Variants in ZNF92 observed in about 807,000 individuals in gnomAD.
ZNF92 encodes epididymis luminal protein 203.
Under a neutral mutation model 12.4 loss-of-function variants are expected in ZNF92, and 11 were observed. The ratio of observed to expected loss-of-function variants is 0.89; its 90% CI spans 0.56 to 1.47. The LOEUF (loss-of-function observed/expected upper bound fraction) is 1.47, where lower values mean the gene tolerates loss of function less well. Among genes scored for constraint, ZNF92 ranks in the 40% most tolerant of loss-of-function variants. The pLI is 0.00. For synonymous variants in ZNF92, 206 were observed against 228.6 expected (o/e 0.90, Z 0.89); for missense variants, 622 against 681.0 (o/e 0.91, Z 0.96).
intron 1 of ZNF92, among the ~76,000 whole-genome samples, chr7:65,381,831 C>T (rs1003907235): frequency 6.6e-6 from 1 of 152,020 alleles, no homozygotes; most frequent in African/African-American, 2.4e-5. Flanking sequence ...GTCAAAAATA[C>T]GATGATTGTA....
In ZNF92 at chr7:65,398,638, G is replaced by A. The variant is rs1282086986; in HGVS notation, c.524G>A (p.Cys175Tyr). 2 of 1,611,934 alleles carry A rather than the reference G, an allele frequency of 1.2e-6. No homozygotes were observed. The highest frequency in any genetic ancestry group is 8.5e-7 in the Non-Finnish European group (1 of 1,179,342). Residue 175 changes from cysteine (C) to tyrosine (Y), a missense_variant, in exon 4 of 4, where the codon TGT becomes TAT. Physicochemically the swap from Cys to Tyr is radical, Grantham distance 194 (BLOSUM62 -2). Coordinates refer to ENST00000328747, the MANE Select transcript of ZNF92 (RefSeq NM_152626.4). Reference sequence around the variant, plus strand: ...CATACTGGAAAGAAACCTTTCAAATGTAAAAACCGTGGCAAATCATTTTGC... The same window carrying A: ...CATACTGGAAAGAAACCTTTCAAATATAAAAACCGTGGCAAATCATTTTGC... ...IRHTGKKPFK[C>Y]KNRGKSFCML...
chr7:65,390,571 C>A (rs970079507), intron 3 of ZNF92, among the ~76,000 whole-genome samples: 3 of 151,828 alleles, frequency 2.0e-5, no homozygotes, highest in Non-Finnish European at 4.4e-5. Context: ...TTTGTAATTT[C>A]CATTTTATTT....
At chr7:65,381,077 G>A (rs944432784) in intron 1 of ZNF92, among the ~76,000 whole-genome samples, 1 of 151,778 alleles carries the variant, frequency 6.6e-6, no homozygotes, top group Non-Finnish European at 1.5e-5. Flanking sequence ...GCAGTGGCAC[G>A]ATCTCGGCTC....
chr7:65,398,359 C>A lies in ZNF92; in HGVS notation c.245C>A (p.Ala82Asp). The A allele has an allele frequency of 6.4e-7, 1 of 1,555,142 alleles. No homozygotes were observed. The highest frequency in any genetic ancestry group is 1.2e-5 in the South Asian group (1 of 81,044). The change falls in exon 4 of 4, where the codon GCC becomes GAC. Residue 82 changes from alanine to aspartate, a missense_variant. Coordinates refer to ENST00000328747, the MANE Select transcript of ZNF92 (RefSeq NM_152626.4). ...DKTPVMCSHF[A>D]QDVWPEHSIK... is the part of the protein sequence containing the mutation. The stretch of plus-strand genomic sequence containing the variant: ...TTTTCAGTTATGTGTTCTCATTTTG[C>A]CCAAGATGTTTGGCCAGAGCACAGC...
intron 3 of ZNF92, among the ~76,000 whole-genome samples, chr7:65,389,492 A>G (rs1793655934): frequency 6.6e-6 from 1 of 151,952 alleles, no homozygotes; most frequent in African/African-American, 2.4e-5. Context: ...ATAGCTGCAT[A>G]ATTTTGAGAA....
intron 1 of ZNF92, among the ~76,000 whole-genome samples, chr7:65,381,602 G>A (rs562139370): frequency 1.3e-5 from 2 of 151,934 alleles, no homozygotes; most frequent in African/African-American, 2.4e-5. Flanking sequence ...TCATAATATC[G>A]TTGGCAGTTT....
At chr7:65,392,201 TA>T (rs1793735162) in intron 3 of ZNF92, among the ~76,000 whole-genome samples, 1 of 152,082 alleles carries the variant, frequency 6.6e-6, no homozygotes, top group Non-Finnish European at 1.5e-5. Flanking sequence ...ATCTTGTGTA[TA>T]TTCTTTCTTA....
intron 3 of ZNF92, among the ~76,000 whole-genome samples, chr7:65,391,678 A>G (rs549078921): frequency 9.9e-5 from 15 of 152,210 alleles, no homozygotes; most frequent in East Asian, 3.9e-4. Context: ...CTTTGCTTCT[A>G]TAGTTGGATT....
In ZNF92 at chr7:65,398,800, A is replaced by T. The variant is rs780112795; in HGVS notation, c.686A>T (p.Tyr229Phe). 1 of 1,612,766 alleles carries T rather than the reference A, an allele frequency of 6.2e-7. No homozygotes were observed. The highest frequency in any genetic ancestry group is 1.3e-5 in the African/African-American group (1 of 74,904). Residue 229 changes from tyrosine to phenylalanine, a missense_variant, in exon 4 of 4, where the codon TAC becomes TTC. Coordinates refer to ENST00000328747, the MANE Select transcript of ZNF92 (RefSeq NM_152626.4). ...ATAATTCATACTGGAGAAAAACCCT[A>T]CAAATGTGAAGAATGTGGCAAAGCT... ...HKIIHTGEKP[Y>F]KCEECGKAFN...
chr7:65,388,638 T>TA (rs11379548), intron 2 of ZNF92, among the ~76,000 whole-genome samples, 168 bp from the exon 3 acceptor site: 38,540 of 148,210 alleles, frequency 0.26, 6,126 homozygotes, highest in African/African-American at 0.42. Context: ...GCTCTGTCTT[T>TA]AAAAAAAAAA....
chr7:65,400,047 C>T lies in ZNF92; in HGVS notation c.*172C>T, dbSNP rs1424986748. On this transcript the variant is annotated 3_prime_UTR_variant, in exon 4 of 4. Transcript: ENST00000328747. The stretch of plus-strand genomic sequence containing the variant: ...CTCCAAGTATGAAGAATGTGGCAAA[C>T]TTTTAACCAATCCTCACACCTTATT... 1.7e-6 allele frequency: 1 copy of T among 589,754 alleles called. No homozygotes were observed. The highest frequency in any genetic ancestry group is 1.9e-5 in the African/African-American group (1 of 53,876). 36.5% of individuals were successfully genotyped at this position (589,754 alleles called of 1,614,324 possible). A position where few individuals can be genotyped will look rare whatever the true frequency, so the allele number is the denominator to read the frequency against.
chr7:65,383,266 G>A (rs1416774356), intron 1 of ZNF92, among the ~76,000 whole-genome samples: 1 of 152,088 alleles, frequency 6.6e-6, no homozygotes, highest in Non-Finnish European at 1.5e-5. Flanking sequence ...GGAAATTAAG[G>A]ACATATTATT....
intron 1 of ZNF92, among the ~76,000 whole-genome samples, chr7:65,378,956 A>G (rs1793329237): frequency 6.6e-6 from 1 of 152,126 alleles, no homozygotes; most frequent in South Asian, 2.1e-4. Flanking sequence ...GCTATTTACC[A>G]GGATTATCTA....
intron 1 of ZNF92, among the ~76,000 whole-genome samples, chr7:65,384,738 T>G (rs1287677135): frequency 6.6e-6 from 1 of 151,964 alleles, no homozygotes; most frequent in African/African-American, 2.4e-5. Flanking sequence ...CTGTACATTT[T>G]TCACAAAAAA....
intron 3 of ZNF92, among the ~76,000 whole-genome samples, chr7:65,393,066 A>G (rs540671666): frequency 2.6e-5 from 4 of 152,176 alleles, no homozygotes; most frequent in Non-Finnish European, 4.4e-5. Context: ...AAAGCTGTAC[A>G]TTTCAGGCAT....
chr7:65,391,236 A>G (rs903642488), intron 3 of ZNF92, among the ~76,000 whole-genome samples: 1 of 152,250 alleles, frequency 6.6e-6, no homozygotes, highest in South Asian at 2.1e-4. Flanking sequence ...GGTGTGAGCC[A>G]TGATGCCTGG....
chr7:65,398,199 A>G, intron 3 of ZNF92, 142 bp from the exon 4 acceptor site: 2 of 649,006 alleles, frequency 3.1e-6, no homozygotes, highest in Non-Finnish European at 4.9e-6. Context: ...TTACATTTAT[A>G]TTTCTGTAAG....
intron 1 of ZNF92, among the ~76,000 whole-genome samples, chr7:65,377,340 G>C (rs1466324037): frequency 6.6e-6 from 1 of 152,006 alleles, no homozygotes; most frequent in African/African-American, 2.4e-5. Flanking sequence ...CTCCCCTGAA[G>C]ATGTCCCAGC....
Position 65,398,633 on chromosome 7 carries a change from C to G in ZNF92, c.519C>G (p.Phe173Leu). ...NKIRHTGKKP[F>L]KCKNRGKSFC... ...TAAGACATACTGGAAAGAAACCTTT[C>G]AAATGTAAAAACCGTGGCAAATCAT... The change falls in exon 4 of 4, where the codon TTC (phenylalanine) becomes TTG (leucine). Residue 173 changes from phenylalanine to leucine, a missense_variant. By Grantham distance (22) the Phe-to-Leu change is conservative. Transcript: ENST00000328747. 6.2e-7 allele frequency: 1 copy of G among 1,611,800 alleles called. No homozygotes were observed. The highest frequency in any genetic ancestry group is 8.5e-7 in the Non-Finnish European group (1 of 1,179,326).
Sources: allele counts gnomAD v4.1 joint callset (sites outside exome capture counted in the v4.1 genomes callset), GRCh38; gene constraint gnomAD v4.1.1; transcripts MANE v1.5; gene names NCBI Gene and HGNC (gene_info 2026-07-23, HGNC 2026-07-21).